Variants in PPP2R2B observed in about 807,000 individuals in gnomAD.
PPP2R2B encodes serine/threonine-protein phosphatase 2A 55 kDa regulatory subunit B beta isoform.
PPP2R2B carries 5 observed loss-of-function variants against 46.0 expected under a neutral mutation model. The observed-to-expected ratio is 0.11, with a 90% CI of 0.06 to 0.23. The LOEUF is 0.23. Ranked by LOEUF, PPP2R2B falls within the 10% of genes least tolerant of loss-of-function variation. The probability of loss-of-function intolerance (pLI) is 1.00; values close to 1 mark genes in which losing one functional copy is unlikely to be tolerated. For synonymous variants in PPP2R2B, 215 were observed against 206.7 expected (o/e 1.04, Z -0.34); for missense variants, 367 against 575.0 (o/e 0.64, Z 3.70).
chr5:146,659,913 A>G (rs1776572894), intron 5 of PPP2R2B, among the ~76,000 whole-genome samples: 1 of 152,190 alleles, frequency 6.6e-6, no homozygotes, highest in Admixed American at 6.5e-5. Flanking sequence ...TATATTGACT[A>G]TGAGGTTTTA....
At chr5:146,590,928 C>T (rs1196998005) in intron 9 of PPP2R2B, among the ~76,000 whole-genome samples, 2 of 152,180 alleles carry the variant, frequency 1.3e-5, no homozygotes, top group African/African-American at 4.8e-5. Context: ...TTTTCCCACA[C>T]TTAATGGACA....
intron 2 of PPP2R2B, among the ~76,000 whole-genome samples, chr5:146,794,412 C>T (rs910065955): frequency 2.0e-5 from 3 of 152,170 alleles, no homozygotes; most frequent in Non-Finnish European, 2.9e-5. Context: ...CAAGCTTATT[C>T]AGATAACTTT....
chr5:147,026,206 T>C (rs1269917152), intron 1 of PPP2R2B, among the ~76,000 whole-genome samples: 1 of 152,080 alleles, frequency 6.6e-6, no homozygotes, highest in Non-Finnish European at 1.5e-5. Context: ...TATATAATAA[T>C]AGCCCCAAAC....
At chr5:146,793,713 A>C (rs547544403) in intron 2 of PPP2R2B, among the ~76,000 whole-genome samples, 1 of 152,168 alleles carries the variant, frequency 6.6e-6, no homozygotes, top group African/African-American at 2.4e-5. Flanking sequence ...CCTATTCCCA[A>C]GTGGAATTTT....
rs1049805720 is a variant in PPP2R2B, at chr5:146,973,164, C to A, written c.79+82501G>T. 6.6e-5 allele frequency among the ~76,000 whole-genome samples: 10 copies of A among 151,998 alleles called. 1 individual carries two copies. The highest frequency in any genetic ancestry group is 5.9e-4 in the Admixed American group (9 of 15,246). On this transcript the variant is annotated intron_variant, in intron 1 of 8. Coordinates refer to the PPP2R2B transcript ENST00000336640. Reference sequence around the variant, plus strand: ...GTATAAAAATGAGTAGGATTTGATTCTTTTTCTTTTTCTTGTGGTTACTTG... The same window carrying A: ...GTATAAAAATGAGTAGGATTTGATTATTTTTCTTTTTCTTGTGGTTACTTG...
At chr5:146,615,469 A>C (rs1581717719) in intron 7 of PPP2R2B, among the ~76,000 whole-genome samples, 2 of 130,124 alleles carry the variant, frequency 1.5e-5, no homozygotes, top group African/African-American at 6.0e-5. Flanking sequence ...AACCTGCACA[A>C]TGTTCACATG....
At position 146,730,579 on chromosome 5, in the gene PPP2R2B, G is replaced by A. The variant is rs369532503; in HGVS notation, c.71-29437C>T. Among the ~76,000 whole-genome samples, 4 of 152,278 alleles carry A rather than the reference G, an allele frequency of 2.6e-5. No individual in the cohort carries two copies. The East Asian group carries it at 5.8e-4, about 22-fold the overall frequency. On this transcript the variant is annotated intron_variant, in intron 2 of 9. Transcript: ENST00000394411. The stretch of plus-strand genomic sequence containing the variant: ...GGGAGGGACCCAGGCAGAGGTAATT[G>A]CATCATGAGGGCCAGTCTTTCCCGT...
chr5:146,706,848 C>G, intron 2 of PPP2R2B: 3 of 1,100,622 alleles, frequency 2.7e-6, no homozygotes, highest in Non-Finnish European at 4.2e-6. Flanking sequence ...ATGATGCTGT[C>G]CGTGTCCAGG....
intron 1 of PPP2R2B, among the ~76,000 whole-genome samples, chr5:147,016,743 G>A (rs757882096): frequency 2.0e-4 from 31 of 151,552 alleles, no homozygotes; most frequent in Non-Finnish European, 4.6e-4. Context: ...TCAAAAGAAG[G>A]CAAGAGAATG....
intron 1 of PPP2R2B, among the ~76,000 whole-genome samples, chr5:146,976,500 T>C (rs1039582931): frequency 1.3e-5 from 2 of 152,120 alleles, no homozygotes; most frequent in African/African-American, 2.4e-5. Context: ...AATTTTTGTA[T>C]ATGGTACAAA....
At chr5:147,037,582 A>C (rs6880660) in intron 1 of PPP2R2B, among the ~76,000 whole-genome samples, 119,554 of 151,976 alleles carry the variant, frequency 0.79, 47,381 homozygotes, top group African/African-American at 0.86. Flanking sequence ...TGTGTGTGTA[A>C]AAGTATGTGT....
At chr5:146,722,945 C>A (rs763847257) in intron 2 of PPP2R2B, among the ~76,000 whole-genome samples, 1 of 152,094 alleles carries the variant, frequency 6.6e-6, no homozygotes, top group Non-Finnish European at 1.5e-5. Flanking sequence ...CCTCTTTGGG[C>A]CTTTGTATGT....
intron 7 of PPP2R2B, 52 bp from the exon 8 acceptor site, chr5:146,600,512 T>C (rs1427043053): frequency 1.9e-6 from 3 of 1,573,154 alleles, no homozygotes; most frequent in Non-Finnish European, 2.6e-6. Flanking sequence ...ATCAACTGAC[T>C]CTAACATGTT....
intron 2 of PPP2R2B, among the ~76,000 whole-genome samples, chr5:146,787,827 C>A (rs954435729): frequency 6.6e-6 from 1 of 152,204 alleles, no homozygotes; most frequent in African/African-American, 2.4e-5. Flanking sequence ...CTCGGACTCC[C>A]AAAGTGCTGG....
At chr5:146,702,467 C>T (rs943261892) in intron 2 of PPP2R2B, among the ~76,000 whole-genome samples, 2 of 152,146 alleles carry the variant, frequency 1.3e-5, no homozygotes, top group African/African-American at 2.4e-5. Context: ...AATACAAAGG[C>T]CTGCAGGGCC....
chr5:146,878,959 C>T (rs1271931436), upstream of PPP2R2B: 2 of 1,112,856 alleles, frequency 1.8e-6, no homozygotes, highest in Non-Finnish European at 2.2e-6. This position sits in a 1 kb window ranked among gnomAD's most constrained non-coding sequence, Gnocchi z 4.5. Context: ...CGCATAGACG[C>T]GCTCTTCCAA....
intron 2 of PPP2R2B, among the ~76,000 whole-genome samples, chr5:146,737,807 GC>G (rs112082877): frequency 0.1 from 15,789 of 152,076 alleles, 1,056 homozygotes; most frequent in East Asian, 0.38. Flanking sequence ...AGGTGTGGTG[GC>G]TCACACCTGT....
chr5:146,588,127 CACTTT>C lies in PPP2R2B; in HGVS notation c.*1815_*1819del, dbSNP rs1469213413. The C allele has an allele frequency of 6.6e-6, 1 of 152,088 alleles. No individual in the cohort carries two copies. Among genetic ancestry groups the C allele is most frequent in the Admixed American group, 6.5e-5 (1 of 15,276 alleles). The allele number at this position is 152,088 out of a possible 1,614,324, so 9.4% of individuals were successfully genotyped here. A position where few individuals can be genotyped will look rare whatever the true frequency, so the allele number is the denominator to read the frequency against. On this transcript the variant is annotated 3_prime_UTR_variant, in exon 10 of 10. Coordinates refer to ENST00000394411, the MANE Select transcript of PPP2R2B (RefSeq NM_181675.4). ...TTGCCCAGAGAGTTTACACCTTAGC[CACTTT>C]ACTTGAGATGCCTAAGGCGAGGCTT...
At chr5:146,837,128 A>T (rs1017858271) in intron 2 of PPP2R2B, among the ~76,000 whole-genome samples, 3 of 152,246 alleles carry the variant, frequency 2.0e-5, no homozygotes, top group African/African-American at 7.2e-5. Context: ...ACGATGATGC[A>T]AAAGTGATAC....
Sources: gnomAD v4.1 joint callset for allele counts (sites outside exome capture counted in the v4.1 genomes callset) on GRCh38, gnomAD v4.1.1 for gene constraint, Gnocchi (gnomAD v3.1) non-coding constraint, MANE v1.5 for transcripts, NCBI Gene and HGNC (gene_info 2026-07-23, HGNC 2026-07-21) for gene names.